Variants in GRIK2 observed in about 807,000 individuals in gnomAD.
GRIK2 encodes glutamate receptor ionotropic, kainate 2.
In GRIK2, 32 loss-of-function variants were observed where a neutral mutation model predicts 100.3. The observed-to-expected ratio is 0.32, with a 90% CI of 0.24 to 0.43. The LOEUF (loss-of-function observed/expected upper bound fraction) is 0.43, where lower values mean the gene tolerates loss of function less well. Among genes scored for constraint, GRIK2 ranks in the 20% least tolerant of loss-of-function variants. The pLI is 1.00. For synonymous variants in GRIK2, 417 were observed against 389.4 expected (o/e 1.07, Z -0.83); for missense variants, 843 against 1,114.9 (o/e 0.76, Z 3.47).
intron 4 of GRIK2, among the ~76,000 whole-genome samples, chr6:101,663,060 C>T (rs1769748861): frequency 6.6e-6 from 1 of 152,060 alleles, no homozygotes; most frequent in African/African-American, 2.4e-5. Context: ...TTCTACTTGG[C>T]ATTCCCACCA....
intron 2 of GRIK2, among the ~76,000 whole-genome samples, chr6:101,409,446 A>G (rs1383041371): frequency 6.6e-6 from 1 of 152,150 alleles, no homozygotes; most frequent in East Asian, 1.9e-4. Flanking sequence ...GAATGTATAT[A>G]CATAATATGT....
intron 2 of GRIK2, among the ~76,000 whole-genome samples, chr6:101,527,081 A>G (rs746505482): frequency 7.2e-5 from 11 of 152,156 alleles, no homozygotes; most frequent in Non-Finnish European, 1.5e-5. Context: ...GAGTGGACAG[A>G]TTATAAACAC....
At chr6:101,485,704 T>G (rs1473605254) in intron 2 of GRIK2, among the ~76,000 whole-genome samples, 4 of 152,152 alleles carry the variant, frequency 2.6e-5, no homozygotes, top group African/African-American at 9.7e-5. Flanking sequence ...ACTTGGATGA[T>G]AAAAGATGAA....
At chr6:101,468,311 T>C (rs909219065) in intron 2 of GRIK2, among the ~76,000 whole-genome samples, 5 of 152,190 alleles carry the variant, frequency 3.3e-5, no homozygotes, top group African/African-American at 1.2e-4. Context: ...CAGTTTTACT[T>C]TTCATTCTTT....
intron 14 of GRIK2, among the ~76,000 whole-genome samples, chr6:101,947,346 C>T (rs1013964792): frequency 4.6e-5 from 7 of 151,974 alleles, no homozygotes; most frequent in Non-Finnish European, 8.8e-5. Flanking sequence ...TTGTTTTGAT[C>T]ATAACAGGAA....
At chr6:101,671,695 C>T (rs1770445931) in intron 4 of GRIK2, among the ~76,000 whole-genome samples, 2 of 152,092 alleles carry the variant, frequency 1.3e-5, no homozygotes, top group South Asian at 4.1e-4. Flanking sequence ...GAAACCCCAT[C>T]TCTACTAAAA....
intron 16 of GRIK2, among the ~76,000 whole-genome samples, chr6:102,067,977 A>C (rs756108921): frequency 6.6e-6 from 1 of 151,844 alleles, no homozygotes; most frequent in African/African-American, 2.4e-5. Context: ...TGTATCAAGA[A>C]TGGGTTTCTG....
intron 4 of GRIK2, among the ~76,000 whole-genome samples, chr6:101,635,026 T>C (rs189319303): frequency 3.3e-4 from 50 of 152,192 alleles, no homozygotes; most frequent in Non-Finnish European, 5.0e-4. Context: ...TATAAAAATG[T>C]ATATTCCTGG....
intron 15 of GRIK2, among the ~76,000 whole-genome samples, chr6:102,048,776 C>A (rs141215386): frequency 6.6e-6 from 1 of 151,882 alleles, no homozygotes; most frequent in Non-Finnish European, 1.5e-5. Context: ...AGAACCAAAG[C>A]GAGCAACTAG....
chr6:101,909,371 G>GT (rs370241149), intron 12 of GRIK2, among the ~76,000 whole-genome samples: 23 of 83,516 alleles, frequency 2.8e-4, no homozygotes, highest in African/African-American at 5.7e-4. Context: ...GGAAGATAGG[G>GT]TTTTCTTTTT....
In GRIK2 at chr6:101,423,106, G is replaced by T. The variant is rs78564839; in HGVS notation, c.115+23714G>T. ...TAACAATGACCAATATAGAGACACC[G>T]GTCTTTGTATGTTACTCTCTTTCTC... On this transcript the variant is annotated intron_variant, in intron 2 of 16. Transcript: ENST00000369134. Among the ~76,000 whole-genome samples, 811 of 152,196 alleles carry T rather than the reference G, an allele frequency of 5.3e-3. 8 individuals are homozygous for T. The highest frequency in any genetic ancestry group is 0.018 in the African/African-American group (743 of 41,542).
At chr6:101,917,102 C>T (rs1244650044) in intron 12 of GRIK2, among the ~76,000 whole-genome samples, 1 of 151,512 alleles carries the variant, frequency 6.6e-6, no homozygotes, top group Non-Finnish European at 1.5e-5. Context: ...AATTTTCTGC[C>T]AAGTATGATA....
intron 14 of GRIK2, among the ~76,000 whole-genome samples, chr6:101,935,700 T>C (rs1790571772): frequency 6.6e-6 from 1 of 152,010 alleles, no homozygotes; most frequent in African/African-American, 2.4e-5. Context: ...CCTGAGCTTA[T>C]TTTACTACCC....
intron 14 of GRIK2, among the ~76,000 whole-genome samples, chr6:102,009,042 G>T (rs1795388517): frequency 1.3e-5 from 2 of 151,950 alleles, no homozygotes; most frequent in East Asian, 3.9e-4. Context: ...TAAGTTAATT[G>T]AAATAAATTT....
intron 14 of GRIK2, among the ~76,000 whole-genome samples, chr6:101,960,000 G>T (rs1792183279): frequency 6.8e-6 from 1 of 148,138 alleles, no homozygotes; most frequent in African/African-American, 2.5e-5. Context: ...TAATTCATAG[G>T]TTTGGTTACT....
At chr6:101,806,792 A>G (rs1229927542) in intron 9 of GRIK2, among the ~76,000 whole-genome samples, 3 of 151,804 alleles carry the variant, frequency 2.0e-5, no homozygotes, top group Non-Finnish European at 4.4e-5. Context: ...TTCCTTAGAT[A>G]GGCCTCCTCT....
At chr6:101,882,561 T>C (rs916662912) in intron 11 of GRIK2, among the ~76,000 whole-genome samples, 31 of 147,000 alleles carry the variant, frequency 2.1e-4, no homozygotes, top group Admixed American at 8.2e-4. Flanking sequence ...AATCTATTAC[T>C]TTTTTTTTTT....
chr6:101,736,577 C>T (rs1350931499), intron 7 of GRIK2, among the ~76,000 whole-genome samples: 1 of 152,182 alleles, frequency 6.6e-6, no homozygotes, highest in East Asian at 1.9e-4. Context: ...TGGCCCCTTT[C>T]AGCCGTGGCT....
At chr6:102,008,172 G>T (rs1367025963) in intron 14 of GRIK2, among the ~76,000 whole-genome samples, 3 of 152,030 alleles carry the variant, frequency 2.0e-5, no homozygotes, top group African/African-American at 7.2e-5. Context: ...GAAACCATTG[G>T]TCTGTGACTT....
Sources: gnomAD v4.1 joint callset for allele counts (sites outside exome capture counted in the v4.1 genomes callset) on GRCh38, gnomAD v4.1.1 for gene constraint, MANE v1.5 for transcripts, NCBI Gene and HGNC (gene_info 2026-07-23, HGNC 2026-07-21) for gene names.